The following THRB variants were observed in gnomAD, a reference collection of about 807,000 sequenced individuals.
The protein encoded by THRB is nuclear receptor subfamily 1 group A member 2.
THRB carries 12 observed loss-of-function variants against 47.8 expected under a neutral mutation model. The observed-to-expected ratio is 0.25, with a 90% CI of 0.16 to 0.41. The LOEUF is 0.41. Among genes scored for constraint, THRB ranks in the 10% least tolerant of loss-of-function variants. The pLI is 1.00. For missense variants in THRB, 348 were observed against 589.2 expected, an observed-to-expected ratio of 0.59 and a Z score of 4.24; for synonymous variants, 218 against 212.2, an observed-to-expected ratio of 1.03 and a Z score of -0.24.
intron 1 of THRB, among the ~76,000 whole-genome samples, chr3:24,391,602 T>C (rs2066572605): frequency 6.6e-6 from 1 of 152,198 alleles, no homozygotes; most frequent in Admixed American, 6.5e-5. Context: ...TTATCTCAGT[T>C]TAGAATATAC....
intron 8 of THRB, among the ~76,000 whole-genome samples, chr3:24,135,521 AG>A (rs1164733707): frequency 2.0e-5 from 3 of 152,148 alleles, no homozygotes; most frequent in East Asian, 3.9e-4. Context: ...TAGCAAGCCC[AG>A]GGAAGGCCAC....
At chr3:24,225,493 G>A (rs6550853) in intron 4 of THRB, among the ~76,000 whole-genome samples, 55,647 of 152,076 alleles carry the variant, frequency 0.37, 11,470 homozygotes, top group African/African-American at 0.56. Flanking sequence ...CAATGAAAAC[G>A]TCAAGTACTT....
intron 2 of THRB, among the ~76,000 whole-genome samples, chr3:24,299,249 T>TAAAAAAA (rs36061929): frequency 6.1e-4 from 43 of 70,136 alleles, no homozygotes; most frequent in African/African-American, 8.7e-4. Context: ...CTCAGTCTCA[T>TAAAAAAA]AAAAAAAAAA....
chr3:24,480,346 T>C (rs1302856827), intron 1 of THRB, among the ~76,000 whole-genome samples: 2 of 152,182 alleles, frequency 1.3e-5, no homozygotes, highest in Non-Finnish European at 2.9e-5. Flanking sequence ...GATTGGCCAA[T>C]TTTTCCATCC....
At chr3:24,318,201 C>G (rs1354846900) in intron 2 of THRB, among the ~76,000 whole-genome samples, 1 of 152,184 alleles carries the variant, frequency 6.6e-6, no homozygotes, top group Non-Finnish European at 1.5e-5. Context: ...AAGGGAGAGT[C>G]TCTGGGTTGA....
At chr3:24,168,139 A>G (rs2039895383) in intron 5 of THRB, among the ~76,000 whole-genome samples, 1 of 152,176 alleles carries the variant, frequency 6.6e-6, no homozygotes, top group Non-Finnish European at 1.5e-5. Flanking sequence ...AAGTGGGAAT[A>G]CTCTTTACTT....
chr3:24,192,950 G>A (rs1411755917), intron 4 of THRB, among the ~76,000 whole-genome samples: 5 of 152,190 alleles, frequency 3.3e-5, no homozygotes, highest in Non-Finnish European at 5.9e-5. Flanking sequence ...GTTGGGTCAT[G>A]AGAAAACTCA....
intron 2 of THRB, among the ~76,000 whole-genome samples, chr3:24,316,206 C>A (rs1360425166): frequency 6.6e-6 from 1 of 152,146 alleles, no homozygotes; most frequent in Non-Finnish European, 1.5e-5. Context: ...CAATGGGCTA[C>A]TACAGAGTCA....
At chr3:24,212,217 T>G (rs1163305525) in intron 4 of THRB, among the ~76,000 whole-genome samples, 9 of 152,050 alleles carry the variant, frequency 5.9e-5, no homozygotes, top group Admixed American at 2.6e-4. Flanking sequence ...GTCAACATAA[T>G]GAAACCCCAT....
At chr3:24,180,678 A>C (rs2041783721) in intron 5 of THRB, among the ~76,000 whole-genome samples, 1 of 152,192 alleles carries the variant, frequency 6.6e-6, no homozygotes. Flanking sequence ...TCAATCAAGA[A>C]GGCTGAACTG....
chr3:24,435,761 TG>T (rs139766471), intron 1 of THRB, among the ~76,000 whole-genome samples: 3,506 of 152,268 alleles, frequency 0.023, 167 homozygotes, highest in East Asian at 0.18. Flanking sequence ...ATGAGTAATG[TG>T]GGCCCAGGAA....
chr3:24,315,838 G>A (rs1440170967), intron 2 of THRB, among the ~76,000 whole-genome samples: 1 of 152,170 alleles, frequency 6.6e-6, no homozygotes, highest in Non-Finnish European at 1.5e-5. Context: ...GGCACAGAGA[G>A]CAGCGATAAT....
At chr3:24,431,626 C>A (rs2125284607) in intron 1 of THRB, among the ~76,000 whole-genome samples, 1 of 152,214 alleles carries the variant, frequency 6.6e-6, no homozygotes, top group South Asian at 2.1e-4. Context: ...TCCAGCAATT[C>A]TACTGCTAGA....
chr3:24,278,195 AATT>A (rs2054138833), intron 3 of THRB, among the ~76,000 whole-genome samples: 2 of 152,222 alleles, frequency 1.3e-5, no homozygotes, highest in Non-Finnish European at 2.9e-5. Context: ...CTCTCTCACT[AATT>A]ATTATTTATT....
chr3:24,342,153 CAAA>C (rs10574941), intron 1 of THRB, among the ~76,000 whole-genome samples: 30,965 of 138,820 alleles, frequency 0.22, 3,199 homozygotes, highest in East Asian at 0.31. Context: ...CTGTTGCGCT[CAAA>C]AAAAAAAAAA....
intron 1 of THRB, among the ~76,000 whole-genome samples, chr3:24,396,869 T>C (rs1446537417): frequency 6.6e-6 from 1 of 152,140 alleles, no homozygotes; most frequent in Non-Finnish European, 1.5e-5. Context: ...ACAACGAAAG[T>C]GGAAGCTGTG....
At position 24,399,586 on chromosome 3, in the gene THRB, T is replaced by C. The variant is rs539404709; in HGVS notation, c.-260-62215A>G. The stretch of plus-strand genomic sequence containing the variant: ...CCTTGAAGCTGGCCCTGTCAAAAGG[T>C]AACAAATAAGGAAGGCACGGGTCTG... On this transcript the variant is annotated intron_variant, in intron 1 of 10. Coordinates refer to ENST00000646209, the MANE Select transcript of THRB (RefSeq NM_001354712.2). Among the ~76,000 whole-genome samples the C allele has an allele frequency of 3.7e-4, 57 of 152,150 alleles. No homozygotes were observed. The Middle Eastern group carries it at 0.027, about 73-fold the overall frequency.
chr3:24,431,599 A>G (rs562154877), intron 1 of THRB, among the ~76,000 whole-genome samples: 127 of 152,258 alleles, frequency 8.3e-4, no homozygotes, highest in Middle Eastern at 3.4e-3. Flanking sequence ...CTAATAAAGA[A>G]CATATTTACC....
At chr3:24,227,272 C>G (rs1559662386) in intron 4 of THRB, among the ~76,000 whole-genome samples, 1 of 152,192 alleles carries the variant, frequency 6.6e-6, no homozygotes. Flanking sequence ...TATCTGTGTG[C>G]TCACACCTGC....
Sources: allele counts gnomAD v4.1 joint callset (sites outside exome capture counted in the v4.1 genomes callset), GRCh38; gene constraint gnomAD v4.1.1; transcripts MANE v1.5; gene names NCBI Gene and HGNC (gene_info 2026-07-23, HGNC 2026-07-21).